ABLIM1: variants seen among roughly 807,000 people sequenced by gnomAD.
ABLIM1 encodes the protein actin binding LIM protein 1.
In ABLIM1, 40 loss-of-function variants were observed where a neutral mutation model predicts 107.0. That is an observed-to-expected ratio of 0.37 (90% CI 0.29 to 0.49). ABLIM1 has a LOEUF of 0.49. ABLIM1 is among the 20% of genes least tolerant of loss of function. The pLI is 0.97. For missense variants in ABLIM1, 857 were observed against 1,008.5 expected (o/e 0.85, Z 2.04); for synonymous variants, 357 against 357.3 (o/e 1.00, Z 0.01).
chr10:114,699,537 G>T (rs1435854599), intron 1 of ABLIM1, among the ~76,000 whole-genome samples: 1 of 152,068 alleles, frequency 6.6e-6, no homozygotes, highest in East Asian at 1.9e-4. Context: ...GAGAAGAGAA[G>T]TGAGGTGGAA....
the ABLIM1 span, among the ~76,000 whole-genome samples, chr10:114,789,382 G>A: frequency 1.3e-5 from 2 of 152,316 alleles, no homozygotes; most frequent in African/African-American, 4.8e-5. Flanking sequence ...TAATAGGCAT[G>A]TACGACCATT....
chr10:114,741,473 C>G (rs2082287511), intron 1 of ABLIM1, among the ~76,000 whole-genome samples: 1 of 151,960 alleles, frequency 6.6e-6, no homozygotes, highest in African/African-American at 2.4e-5. Context: ...GATCCGCCCG[C>G]CTCAGCCTCC....
In ABLIM1 at chr10:114,601,912, G is replaced by A; in HGVS notation, c.294C>T (p.His98=). 1 of 1,614,184 alleles carries A rather than the reference G, an allele frequency of 6.2e-7. No homozygotes were observed. Among genetic ancestry groups the A allele is most frequent in the Non-Finnish European group, 8.5e-7 (1 of 1,180,026 alleles). Reference sequence around the variant, plus strand: ...TGCAAGGCTCCCCACATTTATGGCAGTGAATGACAGGCTTCTCTGATGGGT... The same window carrying A: ...TGCAAGGCTCCCCACATTTATGGCAATGAATGACAGGCTTCTCTGATGGGT... ...PHHPSEKPVI[H]CHKCGEPCKG... Residue 98 remains histidine (H), a synonymous_variant, in exon 2 of 23, where the codon CAC becomes CAT. Coordinates refer to ENST00000533213, the MANE Select transcript of ABLIM1 (RefSeq NM_002313.7).
intron 13 of ABLIM1, among the ~76,000 whole-genome samples, chr10:114,452,693 A>G (rs2062087154): frequency 6.6e-6 from 1 of 152,248 alleles, no homozygotes; most frequent in Non-Finnish European, 1.5e-5. Context: ...TGTCCTTACA[A>G]AGTGAGCTGA....
the ABLIM1 span, among the ~76,000 whole-genome samples, chr10:114,775,618 G>A: frequency 1.3e-5 from 2 of 152,172 alleles, no homozygotes; most frequent in Non-Finnish European, 2.9e-5. Flanking sequence ...AGCCTTCTCA[G>A]TCATTTAGAT....
At chr10:114,488,272 T>C (rs1053609019) in intron 7 of ABLIM1, among the ~76,000 whole-genome samples, 12 of 152,242 alleles carry the variant, frequency 7.9e-5, no homozygotes, top group African/African-American at 2.4e-4. Context: ...CATGAGTCTT[T>C]TGATGCAAGA....
the ABLIM1 span, among the ~76,000 whole-genome samples, chr10:114,789,305 T>G: frequency 6.6e-6 from 1 of 152,142 alleles, no homozygotes; most frequent in African/African-American, 2.4e-5. Context: ...ATAATGATGT[T>G]GACCATACTC....
chr10:114,493,347 C>A lies in ABLIM1; in HGVS notation c.895-1469G>T, dbSNP rs139172035. Among the ~76,000 whole-genome samples, 4 of 152,276 alleles carry A rather than the reference C, an allele frequency of 2.6e-5. No individual in the cohort carries two copies. In the East Asian group the frequency reaches 5.8e-4, roughly 22 times the overall value. Reference sequence around the variant, plus strand: ...AAAAAATAAAGGCCCCTTGGCAAGACCATGGTGTCGTCTGCAGTGAAAAGC... The same window carrying A: ...AAAAAATAAAGGCCCCTTGGCAAGAACATGGTGTCGTCTGCAGTGAAAAGC... On this transcript the variant is annotated intron_variant, in intron 6 of 22. Transcript: ENST00000533213.
intron 1 of ABLIM1, among the ~76,000 whole-genome samples, chr10:114,604,850 A>G (rs2076299322): frequency 6.6e-6 from 1 of 152,232 alleles, no homozygotes; most frequent in Non-Finnish European, 1.5e-5. Context: ...ATGCTGAGTA[A>G]TGATGAGGGA....
chr10:114,495,566 T>C (rs1463000296), intron 6 of ABLIM1, among the ~76,000 whole-genome samples: 1 of 151,878 alleles, frequency 6.6e-6, no homozygotes, highest in Non-Finnish European at 1.5e-5. Flanking sequence ...ACAATGATGG[T>C]GATGATGATG....
At chr10:114,723,742 T>C (rs2142069625) in intron 1 of ABLIM1, among the ~76,000 whole-genome samples, 1 of 152,360 alleles carries the variant, frequency 6.6e-6, no homozygotes, top group Non-Finnish European at 1.5e-5. Flanking sequence ...GAGGGTTATC[T>C]GATTCTAGCC....
At chr10:114,441,691 G>T in intron 18 of ABLIM1, 31 bp downstream of exon 18, 1 of 1,595,774 alleles carries the variant, frequency 6.3e-7, no homozygotes, top group Non-Finnish European at 8.6e-7. Flanking sequence ...GGGAGTAAAG[G>T]CAGAAACAAT....
intron 13 of ABLIM1, among the ~76,000 whole-genome samples, chr10:114,452,000 G>A (rs2061989038): frequency 6.6e-6 from 1 of 152,158 alleles, no homozygotes; most frequent in South Asian, 2.1e-4. Flanking sequence ...CTCTTATGGT[G>A]AGAAAGACAT....
intron 3 of ABLIM1, among the ~76,000 whole-genome samples, chr10:114,573,337 C>T (rs187469840): frequency 2.2e-4 from 33 of 152,314 alleles, no homozygotes; most frequent in Admixed American, 2.0e-3. Flanking sequence ...GTGAAATTAA[C>T]TTCTGTATGA....
intron 1 of ABLIM1, among the ~76,000 whole-genome samples, chr10:114,607,778 A>T (rs1246565643): frequency 6.6e-6 from 1 of 152,226 alleles, no homozygotes; most frequent in Non-Finnish European, 1.5e-5. Context: ...AACAAAGAAC[A>T]TCTGAGAAAT....
intron 8 of ABLIM1, among the ~76,000 whole-genome samples, chr10:114,480,759 G>A (rs1419249197): frequency 6.6e-6 from 1 of 152,184 alleles, no homozygotes. Flanking sequence ...AGTCTGTCAT[G>A]ATGAAGGGGT....
chr10:114,787,263 C>T, the ABLIM1 span, among the ~76,000 whole-genome samples: 3 of 151,880 alleles, frequency 2.0e-5, no homozygotes, highest in East Asian at 3.9e-4. Flanking sequence ...GCCTGGCAAC[C>T]GCCCTGTCTG....
intron 12 of ABLIM1, among the ~76,000 whole-genome samples, chr10:114,456,933 TTAA>T (rs913717712): frequency 1.0e-4 from 12 of 118,870 alleles, no homozygotes; most frequent in African/African-American, 3.6e-4. Flanking sequence ...TGTTTTTTTT[TTAA>T]AAAAAAAAAA....
intron 6 of ABLIM1, among the ~76,000 whole-genome samples, chr10:114,541,898 CAA>C (rs1491563161): frequency 2.8e-5 from 1 of 35,994 alleles, no homozygotes; most frequent in African/African-American, 8.6e-5. Context: ...TGAAGGGAAT[CAA>C]CACACACACA....
Sources: allele counts gnomAD v4.1 joint callset (sites outside exome capture counted in the v4.1 genomes callset), GRCh38; gene constraint gnomAD v4.1.1; transcripts MANE v1.5; gene names NCBI Gene and HGNC (gene_info 2026-07-23, HGNC 2026-07-21).